The following WWOX variants were observed in gnomAD, a reference collection of about 807,000 sequenced individuals.
WWOX encodes WW domain containing oxidoreductase, also known as WW domain-containing oxidoreductase.
A neutral mutation model predicts 46.2 loss-of-function variants in WWOX; 69 were observed. The ratio of observed to expected loss-of-function variants is 1.49; its 90% CI spans 1.23 to 1.82. WWOX has a LOEUF of 1.82. WWOX is among the 40% of genes most tolerant of loss of function. WWOX has a pLI of 0.00. For synonymous variants in WWOX, 359 were observed against 202.6 expected (o/e 1.77, Z -6.56); for missense variants, 919 against 542.6 (o/e 1.69, Z -6.89).
At chr16:79,026,191 A>G (rs550654515) in intron 8 of WWOX, among the ~76,000 whole-genome samples, 10 of 151,630 alleles carry the variant, frequency 6.6e-5, no homozygotes, top group African/African-American at 2.4e-4. Flanking sequence ...GAACAACCCA[A>G]ACCCTCATAT....
chr16:78,882,320 C>G (rs1179410773), intron 8 of WWOX, among the ~76,000 whole-genome samples: 1 of 152,140 alleles, frequency 6.6e-6, no homozygotes, highest in African/African-American at 2.4e-5. Context: ...TCCTGGAAAA[C>G]AGGTTCAGAG....
chr16:78,912,520 C>T (rs1192202689), intron 8 of WWOX, among the ~76,000 whole-genome samples: 1 of 151,880 alleles, frequency 6.6e-6, no homozygotes, highest in East Asian at 1.9e-4. Flanking sequence ...GAAATGCCAG[C>T]TCCTCCGCTC....
intron 8 of WWOX, among the ~76,000 whole-genome samples, chr16:78,504,529 A>G (rs147371512): frequency 5.3e-5 from 8 of 152,292 alleles, no homozygotes; most frequent in African/African-American, 1.7e-4. Context: ...GTACATTGCT[A>G]TTTTGTTATG....
intron 4 of WWOX, among the ~76,000 whole-genome samples, chr16:78,140,568 G>T (rs2033952367): frequency 6.6e-6 from 1 of 152,132 alleles, no homozygotes; most frequent in Admixed American, 6.5e-5. Context: ...TCATTGGCCT[G>T]TGGCAGGGTA....
At chr16:79,210,786 T>C (rs564998093) in intron 8 of WWOX, among the ~76,000 whole-genome samples, 1 of 152,226 alleles carries the variant, frequency 6.6e-6, no homozygotes, top group East Asian at 1.9e-4. Flanking sequence ...TCAGTTTGGA[T>C]GATATGATGC....
At chr16:78,127,483 C>T (rs1597238430) in intron 4 of WWOX, among the ~76,000 whole-genome samples, 1 of 138,290 alleles carries the variant, frequency 7.2e-6, no homozygotes. Context: ...GGCTGGAGGT[C>T]AGTAGCTTTC....
rs546240947 is a variant in WWOX at position 78,726,821 on chromosome 16, A to C, written c.1056+294069A>C. 2.0e-5 allele frequency among the ~76,000 whole-genome samples: 3 copies of C among 152,184 alleles called. No individual in the cohort carries two copies. The East Asian group carries it at 5.8e-4, about 29-fold the overall frequency. ...AGGTAGTCCAGAATAGTTCTATGGAAATAGGAGGCTTTCAGTTTCTTCATC... is the reference window on the plus strand; with the variant it reads ...AGGTAGTCCAGAATAGTTCTATGGACATAGGAGGCTTTCAGTTTCTTCATC... On this transcript the variant is annotated intron_variant, in intron 8 of 8. Transcript: ENST00000566780.
chr16:79,195,985 G>C (rs385160), intron 8 of WWOX, among the ~76,000 whole-genome samples: 76,691 of 152,078 alleles, frequency 0.5, 20,363 homozygotes, highest in Non-Finnish European at 0.6. Flanking sequence ...ATATTCTTCT[G>C]TTAGTGGGGA....
chr16:79,147,739 C>G (rs2050207315), intron 8 of WWOX, among the ~76,000 whole-genome samples: 1 of 152,152 alleles, frequency 6.6e-6, no homozygotes, highest in Admixed American at 6.5e-5. Flanking sequence ...TCTTCACCAG[C>G]ATTTGGTGGT....
intron 8 of WWOX, among the ~76,000 whole-genome samples, chr16:78,917,031 C>G (rs1475787323): frequency 2.6e-5 from 4 of 152,148 alleles, no homozygotes; most frequent in African/African-American, 2.4e-5. Flanking sequence ...CTCCTTGGGT[C>G]TTATGACAAA....
chr16:78,393,718 T>A (rs2082226483), intron 6 of WWOX, among the ~76,000 whole-genome samples: 1 of 152,158 alleles, frequency 6.6e-6, no homozygotes, highest in African/African-American at 2.4e-5. Flanking sequence ...GTCCAAACAT[T>A]TTTAGAACTG....
At chr16:78,382,902 C>T (rs866943197) in intron 5 of WWOX, among the ~76,000 whole-genome samples, 15 of 151,892 alleles carry the variant, frequency 9.9e-5, no homozygotes, top group African/African-American at 3.4e-4. Flanking sequence ...ATAAAGAAAG[C>T]AGGTTTAATT....
At chr16:78,878,980 T>A (rs2044288059) in intron 8 of WWOX, among the ~76,000 whole-genome samples, 1 of 148,318 alleles carries the variant, frequency 6.7e-6, no homozygotes, top group Non-Finnish European at 1.5e-5. Flanking sequence ...GGTGGGAGGA[T>A]CGCTTGAGCC....
chr16:78,820,486 G>C (rs1567583087), intron 8 of WWOX, among the ~76,000 whole-genome samples: 1 of 152,106 alleles, frequency 6.6e-6, no homozygotes, highest in Non-Finnish European at 1.5e-5. Context: ...CTTCTTGTAA[G>C]CCCCATTTCC....
chr16:78,950,503 C>G (rs1011236906), intron 8 of WWOX, among the ~76,000 whole-genome samples: 1 of 146,726 alleles, frequency 6.8e-6, no homozygotes, highest in African/African-American at 2.5e-5. Flanking sequence ...AAAGCAAACC[C>G]TGGCTATTAA....
chr16:78,486,727 C>G (rs1170285038), intron 8 of WWOX, among the ~76,000 whole-genome samples: 1 of 152,212 alleles, frequency 6.6e-6, no homozygotes, highest in African/African-American at 2.4e-5. Context: ...GTGCATGCCA[C>G]CATGCCCAGC....
intron 8 of WWOX, among the ~76,000 whole-genome samples, chr16:78,943,288 G>C (rs977756052): frequency 2.0e-5 from 3 of 148,934 alleles, no homozygotes; most frequent in South Asian, 4.2e-4. Context: ...CCTGGATAAG[G>C]AGAATGAGGT....
intron 8 of WWOX, among the ~76,000 whole-genome samples, chr16:78,572,343 C>G (rs1048333659): frequency 1.3e-5 from 2 of 152,154 alleles, no homozygotes; most frequent in African/African-American, 4.8e-5. Flanking sequence ...ACCTGTAATG[C>G]CAGCACTTTG....
chr16:78,624,773 G>A (rs1026159666), intron 8 of WWOX, among the ~76,000 whole-genome samples: 2 of 152,284 alleles, frequency 1.3e-5, no homozygotes, highest in African/African-American at 2.4e-5. Flanking sequence ...ATTGCAGAAC[G>A]ACACAATGGT....
Sources: allele counts gnomAD v4.1 joint callset (sites outside exome capture counted in the v4.1 genomes callset), GRCh38; gene constraint gnomAD v4.1.1; transcripts MANE v1.5; gene names NCBI Gene and HGNC (gene_info 2026-07-23, HGNC 2026-07-21).